Variants in TDP1 observed in about 807,000 individuals in gnomAD.
TDP1 encodes the protein tyr-DNA phosphodiesterase 1.
Under a neutral mutation model 81.5 loss-of-function variants are expected in TDP1, and 64 were observed. The observed-to-expected ratio is 0.79, with a 90% CI of 0.64 to 0.97. The LOEUF is 0.97. TDP1 is among the 50% of genes least tolerant of loss of function. TDP1 has a pLI of 0.00. For missense variants in TDP1, 723 were observed against 743.8 expected (o/e 0.97, Z 0.33); for synonymous variants, 256 against 264.3 (o/e 0.97, Z 0.30).
intron 16 of TDP1, 45 bp downstream of exon 16, chr14:90,033,259 A>G (rs753324336): frequency 9.0e-7 from 1 of 1,108,558 alleles, no homozygotes; most frequent in Non-Finnish European, 1.4e-6. Context: ...ATGCATAAGA[A>G]AAACAAACAG....
chr14:89,974,488 C>G (rs1894035676), intron 6 of TDP1, among the ~76,000 whole-genome samples: 1 of 152,206 alleles, frequency 6.6e-6, no homozygotes. Context: ...CATCTCCATT[C>G]CAAACAGGAG....
At chr14:90,012,087 A>G (rs1361607827) in intron 14 of TDP1, among the ~76,000 whole-genome samples, 3 of 152,200 alleles carry the variant, frequency 2.0e-5, no homozygotes. Context: ...CATCCCAGGC[A>G]TGGCTAAAAG....
chr14:89,983,678 A>G (rs1895247963), intron 8 of TDP1, among the ~76,000 whole-genome samples: 1 of 152,164 alleles, frequency 6.6e-6, no homozygotes, highest in African/African-American at 2.4e-5. Context: ...ACTTTTTTGC[A>G]TTTGAAGAAA....
rs577015208 is a variant in TDP1, at chr14:89,957,973, G to A, written c.-8+1173G>A. 2.6e-4 allele frequency among the ~76,000 whole-genome samples: 39 copies of A among 152,296 alleles called. 1 individual carries two copies. Among genetic ancestry groups the A allele is most frequent in the African/African-American group, 9.4e-4 (39 of 41,566 alleles). ...CCCAGATCCCGTGGCCACTATGACT[G>A]CATGCTCAGCCCGCGAGGAGTCGGT... On this transcript the variant is annotated intron_variant, in intron 2 of 16. Transcript: ENST00000335725.
rs377298403 is a variant in TDP1, at chr14:89,958,772, G to A, written c.-8+1972G>A. ...GCTTTAAACTGTCTTTGGTTTGCAG[G>A]TGGGGTTTCACTGGGGCCCTGCCCC... On this transcript the variant is annotated intron_variant, in intron 2 of 16. Coordinates refer to ENST00000335725, the MANE Select transcript of TDP1 (RefSeq NM_018319.4). 3.3e-4 allele frequency among the ~76,000 whole-genome samples: 51 copies of A among 152,330 alleles called. No individual in the cohort carries two copies. In the South Asian group the frequency reaches 0.01, roughly 30 times the overall value.
At chr14:89,969,881 T>TTC (rs958313709) in intron 5 of TDP1, among the ~76,000 whole-genome samples, 1 of 146,398 alleles carries the variant, frequency 6.8e-6, no homozygotes, top group African/African-American at 2.5e-5. Context: ...TATTTCTTTT[T>TTC]TTTTTTTTTT....
intron 14 of TDP1, among the ~76,000 whole-genome samples, chr14:90,003,509 A>G (rs567614211): frequency 2.0e-5 from 3 of 152,386 alleles, no homozygotes; most frequent in East Asian, 1.9e-4. Flanking sequence ...TTATTGGGAC[A>G]TGATGACAAA....
chr14:89,990,547 CTTTTTTTTTTT>C (rs34248681), intron 12 of TDP1, among the ~76,000 whole-genome samples: 2 of 102,406 alleles, frequency 2.0e-5, no homozygotes, highest in East Asian at 2.6e-4. Context: ...TGTATTAGCC[CTTTTTTTTTTT>C]TTTTTTTTTT....
intron 6 of TDP1, among the ~76,000 whole-genome samples, chr14:89,974,129 C>T (rs903128288): frequency 2.0e-5 from 3 of 152,178 alleles, no homozygotes; most frequent in African/African-American, 7.2e-5. Context: ...TTATTCTGGG[C>T]TTGTCACTGG....
At chr14:89,961,734 A>C (rs531539156) in intron 2 of TDP1, among the ~76,000 whole-genome samples, 1 of 152,130 alleles carries the variant, frequency 6.6e-6, no homozygotes, top group Non-Finnish European at 1.5e-5. Context: ...AGACATATGC[A>C]TATGTATTGA....
chr14:89,973,046 C>G (rs1025415275), intron 6 of TDP1, among the ~76,000 whole-genome samples: 1 of 150,306 alleles, frequency 6.7e-6, no homozygotes. Flanking sequence ...TAATACAGTA[C>G]AAGAGCTCAA....
chr14:89,991,809 T>C lies in TDP1; in HGVS notation c.1367-108T>C, dbSNP rs897611261. 5.5e-5 allele frequency: 69 copies of C among 1,249,518 alleles called. No homozygotes were observed. In the South Asian group the frequency reaches 9.8e-4, roughly 18 times the overall value. 77.4% of individuals were successfully genotyped at this position (1,249,518 alleles called of 1,614,324 possible). On this transcript the variant is annotated intron_variant, in intron 12 of 16. Transcript: ENST00000335725. ...ATTCTATAAGATGAAGTAATAGAAG[T>C]AGTTTTTTTCCTGTTACCTTCTTGC...
At chr14:89,958,122 T>C (rs543730477) in intron 2 of TDP1, among the ~76,000 whole-genome samples, 49 of 152,306 alleles carry the variant, frequency 3.2e-4, no homozygotes, top group African/African-American at 1.2e-3. Flanking sequence ...TAGCAGATTC[T>C]GGTGTCCAGA....
At chr14:90,003,001 G>A (rs571339560) in intron 14 of TDP1, among the ~76,000 whole-genome samples, 31 of 152,212 alleles carry the variant, frequency 2.0e-4, no homozygotes, top group African/African-American at 7.2e-4. Context: ...GCAGTGGCAT[G>A]ATTTCGGCTC....
chr14:89,990,529 G>A (rs542704371), intron 12 of TDP1, among the ~76,000 whole-genome samples: 4 of 142,684 alleles, frequency 2.8e-5, no homozygotes, highest in South Asian at 2.3e-4. Context: ...TTTCGCTAGC[G>A]TTTGGAGTGT....
chr14:90,000,659 A>G (rs186057306), intron 14 of TDP1, among the ~76,000 whole-genome samples: 2 of 152,316 alleles, frequency 1.3e-5, no homozygotes, highest in East Asian at 3.9e-4. Flanking sequence ...TGCTGGGATT[A>G]TAGGCATGAA....
chr14:89,974,393 C>A (rs576265268), intron 6 of TDP1, among the ~76,000 whole-genome samples: 62 of 152,328 alleles, frequency 4.1e-4, no homozygotes, highest in African/African-American at 1.4e-3. Flanking sequence ...TCTTCCTTCT[C>A]ATTTGGTAAT....
In TDP1 at chr14:89,979,500, G is replaced by A. The variant is rs192727933; in HGVS notation, c.792-1040G>A. 2.4e-3 allele frequency among the ~76,000 whole-genome samples: 361 copies of A among 152,154 alleles called. 1 individual carries two copies. Among genetic ancestry groups the A allele is most frequent in the African/African-American group, 8.0e-3 (331 of 41,512 alleles). On this transcript the variant is annotated intron_variant, in intron 7 of 16. Coordinates refer to ENST00000335725, the MANE Select transcript of TDP1 (RefSeq NM_018319.4). ...AATTTTTATATTTTTAGTGGAGATG[G>A]GTTTCACCATGTTGGCAAGCCTGGT...
chr14:89,998,420 ATATG>A lies in TDP1; in HGVS notation c.1541+4957_1541+4960del, dbSNP rs757314572. Among the ~76,000 whole-genome samples, 271 of 79,208 alleles carry A rather than the reference ATATG, an allele frequency of 3.4e-3. 1 individual carries two copies. The highest frequency in any genetic ancestry group is 0.018 in the Middle Eastern group (3 of 170). The allele number at this position is 79,208 out of a possible 152,430, so 52.0% of individuals were successfully genotyped here. A position where few individuals can be genotyped will look rare whatever the true frequency, so the allele number is the denominator to read the frequency against. ...TATATATATATATATATATATATATATATGTATGTATGTATGTATGTATATGTAT... is the reference window on the plus strand; with the variant it reads ...TATATATATATATATATATATATATATATGTATGTATGTATGTATATGTAT... On this transcript the variant is annotated intron_variant, in intron 14 of 16. Coordinates refer to ENST00000335725, the MANE Select transcript of TDP1 (RefSeq NM_018319.4).
Sources: allele counts gnomAD v4.1 joint callset (sites outside exome capture counted in the v4.1 genomes callset), GRCh38; gene constraint gnomAD v4.1.1; transcripts MANE v1.5; gene names NCBI Gene and HGNC (gene_info 2026-07-23, HGNC 2026-07-21).